Variants in TFPI2 observed in about 807,000 individuals in gnomAD.
TFPI2 encodes the protein placental protein 5.
A neutral mutation model predicts 23.1 loss-of-function variants in TFPI2; 23 were observed. The ratio of observed to expected loss-of-function variants is 1.00; its 90% CI spans 0.72 to 1.41. The LOEUF (loss-of-function observed/expected upper bound fraction) is 1.41. Among genes scored for constraint, TFPI2 ranks in the 40% most tolerant of loss-of-function variants. TFPI2 has a pLI of 0.00. For synonymous variants in TFPI2, 119 were observed against 111.7 expected (o/e 1.07, Z -0.41); for missense variants, 291 against 299.6 (o/e 0.97, Z 0.21).
At chr7:93,888,587 A>AGG (rs1554337258) in intron 3 of TFPI2, among the ~76,000 whole-genome samples, 8 of 92,274 alleles carry the variant, frequency 8.7e-5, no homozygotes, top group South Asian at 3.6e-4. Flanking sequence ...GAAGGAAGGA[A>AGG]AGAGAAAGAA....
rs755861071 is a variant in TFPI2, at chr7:93,889,075, T to A, written c.420A>T (p.Pro140=). Residue 140 remains proline (P), a synonymous_variant, in exon 3 of 5, where the codon CCA becomes CCT. Coordinates refer to ENST00000222543, the MANE Select transcript of TFPI2 (RefSeq NM_006528.4). ...CHRNRIENRF[P]DEATCMGFCA... is the part of the protein sequence containing the mutation. ...AGAAGCCCATACAAGTAGCTTCATCTGGAAACCTGTTCTCAATCCGGTTCC... is the reference window on the plus strand; with the variant it reads ...AGAAGCCCATACAAGTAGCTTCATCAGGAAACCTGTTCTCAATCCGGTTCC... 1 of 1,611,368 alleles carries A rather than the reference T, an allele frequency of 6.2e-7. No homozygotes were observed. Among genetic ancestry groups the A allele is most frequent in the South Asian group, 1.1e-5 (1 of 90,284 alleles).
At chr7:93,890,009 T>C (rs188789455) in intron 2 of TFPI2, 128 bp downstream of exon 2, 33 of 951,324 alleles carry the variant, frequency 3.5e-5, no homozygotes, top group Admixed American at 1.6e-4. Flanking sequence ...ACCATGAGGT[T>C]TGCTTAACAC....
Position 93,889,091 on chromosome 7 carries a change from A to G in TFPI2, c.404T>C (p.Ile135Thr), listed in dbSNP as rs374928628. 7.6e-5 allele frequency: 122 copies of G among 1,611,990 alleles called. 1 individual carries two copies. The South Asian group carries it at 1.3e-3, about 17-fold the overall frequency. Residue 135 changes from isoleucine to threonine, a missense_variant, in exon 3 of 5, where the codon ATT (isoleucine) becomes ACT (threonine). Ile to Thr is a moderately conservative substitution (Grantham distance 89, BLOSUM62 -1). Coordinates refer to ENST00000222543, the MANE Select transcript of TFPI2 (RefSeq NM_006528.4). The stretch of plus-strand genomic sequence containing the variant: ...AGCTTCATCTGGAAACCTGTTCTCA[A>G]TCCGGTTCCGGTGACACCCACCGGA... ...FFSGGCHRNR[I>T]ENRFPDEATC...
At position 93,889,047 on chromosome 7, in the gene TFPI2, C is replaced by A; in HGVS notation, c.448G>T (p.Ala150Ser). The A allele has an allele frequency of 6.3e-7, 1 of 1,599,494 alleles. No homozygotes were observed. Among genetic ancestry groups the A allele is most frequent in the South Asian group, 1.1e-5 (1 of 87,362 alleles). ...AAATCGTATTTACTTTTCTTTGGTG[C>A]GCAGAAGCCCATACAAGTAGCTTCA... is the stretch of plus-strand genomic sequence containing the variant. ...PDEATCMGFCAPKKIPSFCYS... is the reference protein window; with the variant it reads ...PDEATCMGFCSPKKIPSFCYS... Residue 150 changes from alanine (A) to serine (S), a missense_variant, in exon 3 of 5, where the codon GCA (alanine) becomes TCA (serine). Transcript: ENST00000222543.
At position 93,889,702 on chromosome 7, in the gene TFPI2, T is replaced by C. The variant is rs186660141; in HGVS notation, c.271+435A>G. The stretch of plus-strand genomic sequence containing the variant: ...ACAAAAGTAGAGTTATATAATGAGC[T>C]AAGTCACACTTCAATAATAAAATCC... On this transcript the variant is annotated intron_variant, in intron 2 of 4. Transcript: ENST00000222543. Among the ~76,000 whole-genome samples, 22 of 152,364 alleles carry C rather than the reference T, an allele frequency of 1.4e-4. No individual in the cohort carries two copies. The East Asian group carries it at 3.7e-3, about 25-fold the overall frequency.
intron 3 of TFPI2, among the ~76,000 whole-genome samples, chr7:93,888,268 G>A (rs1346600906): frequency 1.3e-5 from 2 of 152,154 alleles, no homozygotes; most frequent in African/African-American, 4.8e-5. Context: ...TATCTCACAT[G>A]TATAACTTAT....
At chr7:93,890,550 T>G (rs575551036) in intron 1 of TFPI2, 41 bp downstream of exon 1, 1 of 1,600,074 alleles carries the variant, frequency 6.2e-7, no homozygotes, top group East Asian at 2.2e-5. Flanking sequence ...CTGCGCCCTC[T>G]CCGCCGGTTG....
chr7:93,888,959 G>A (rs1479635319), intron 3 of TFPI2, 76 bp downstream of exon 3: 2 of 1,308,668 alleles, frequency 1.5e-6, no homozygotes, highest in Non-Finnish European at 1.1e-6. Flanking sequence ...TGTTAATTTC[G>A]CATCAAATTG....
intron 3 of TFPI2, among the ~76,000 whole-genome samples, chr7:93,888,544 A>AGAAGGAAGGAAG (rs56960901): frequency 0.059 from 6,241 of 105,202 alleles, 310 homozygotes; most frequent in Middle Eastern, 0.087. Flanking sequence ...AAGGAAGGAA[A>AGAAGGAAGGAAG]GAAGGAAGGA....
rs1793995582 is a variant in TFPI2 at position 93,886,554 on chromosome 7, G to C, written c.*266C>G. On this transcript the variant is annotated 3_prime_UTR_variant, in exon 5 of 5. Coordinates refer to ENST00000222543, the MANE Select transcript of TFPI2 (RefSeq NM_006528.4). ...GAATACGACCCCAAGAAATGAGTGA[G>C]TCATATTTGCTTTTATATCTTATGC... The C allele has an allele frequency of 3.3e-6, 1 of 302,282 alleles. No homozygotes were observed. Among genetic ancestry groups the C allele is most frequent in the African/African-American group, 2.2e-5 (1 of 45,474 alleles). The allele number at this position is 302,282 out of a possible 1,614,324, so 18.7% of individuals were successfully genotyped here.
In TFPI2 at chr7:93,886,534, C is replaced by T. The variant is rs867985179; in HGVS notation, c.*286G>A. 9 of 252,082 alleles carry T rather than the reference C, an allele frequency of 3.6e-5. No individual in the cohort carries two copies. Among genetic ancestry groups the T allele is most frequent in the Non-Finnish European group, 5.2e-5 (7 of 134,486 alleles). The allele number at this position is 252,082 out of a possible 1,614,324, so 15.6% of individuals were successfully genotyped here. A position where few individuals can be genotyped will look rare whatever the true frequency, so the allele number is the denominator to read the frequency against. On this transcript the variant is annotated 3_prime_UTR_variant, in exon 5 of 5. Transcript: ENST00000222543. ...TGATCCTCTTCTGAAATCAGGAATA[C>T]GACCCCAAGAAATGAGTGAGTCATA...
At position 93,889,484 on chromosome 7, in the gene TFPI2, T is replaced by C. The variant is rs1794082945; in HGVS notation, c.272-261A>G. On this transcript the variant is annotated intron_variant, in intron 2 of 4. Coordinates refer to ENST00000222543, the MANE Select transcript of TFPI2 (RefSeq NM_006528.4). ...TCTCTGGGTGTTCTCTGATTGTACA[T>C]ATGCAGTGAATCAAAGCTTATTCAC... 3.3e-5 allele frequency among the ~76,000 whole-genome samples: 5 copies of C among 152,184 alleles called. No homozygotes were observed. In the South Asian group the frequency reaches 8.3e-4, roughly 25 times the overall value.
chr7:93,887,288 C>G lies in TFPI2; in HGVS notation c.604G>C (p.Glu202Gln), dbSNP rs374287137. 2 of 1,612,266 alleles carry G rather than the reference C, an allele frequency of 1.2e-6. No individual in the cohort carries two copies. The highest frequency in any genetic ancestry group is 8.5e-7 in the Non-Finnish European group (1 of 1,179,212). ...TTTGCACATGCACGTTTGCAATCCT[C>G]CCTGCTAACAAAGTTATTGTCATTC... is the stretch of plus-strand genomic sequence containing the variant. ...GGNDNNFVSR[E>Q]DCKRACAKAL... is the part of the protein sequence containing the mutation. The change falls in exon 4 of 5, where the codon GAG becomes CAG. Residue 202 changes from glutamate to glutamine, a missense_variant. Glu to Gln is a conservative substitution (Grantham distance 29). Coordinates refer to ENST00000222543, the MANE Select transcript of TFPI2 (RefSeq NM_006528.4).
Position 93,890,742 on chromosome 7 carries a change from G to T in TFPI2, c.-64C>A. 2.0e-6 allele frequency: 3 copies of T among 1,496,148 alleles called. No individual in the cohort carries two copies. The South Asian group carries it at 3.6e-5, about 18-fold the overall frequency. 92.7% of individuals were successfully genotyped at this position (1,496,148 alleles called of 1,614,324 possible). On this transcript the variant is annotated 5_prime_UTR_variant, in exon 1 of 5. Coordinates refer to ENST00000222543, the MANE Select transcript of TFPI2 (RefSeq NM_006528.4). Reference sequence around the variant, plus strand: ...GAGAAAGCGCCTGGCGGGAGGAGGTGCGCGGCTTTCTGCTCCAGGCGGCCC... The same window carrying T: ...GAGAAAGCGCCTGGCGGGAGGAGGTTCGCGGCTTTCTGCTCCAGGCGGCCC...
In TFPI2 at chr7:93,886,891, T is replaced by A; in HGVS notation, c.637A>T (p.Lys213Ter). ...AGCTTTGGCATCTTCTTTTTCTTTTTCAAAGCTAAAATCAATAAAACGACA... is the reference window on the plus strand; with the variant it reads ...AGCTTTGGCATCTTCTTTTTCTTTTACAAAGCTAAAATCAATAAAACGACA... ...DCKRACAKAL[K>*]KKKKMPKLRF... is the part of the protein sequence containing the mutation. The change falls in exon 5 of 5, where the codon AAA becomes TAA. Residue 213 changes from lysine to a stop codon, truncating the protein, a stop_gained. Transcript: ENST00000222543. LOFTEE classifies it low-confidence loss of function (END_TRUNC). The A allele has an allele frequency of 6.5e-7, 1 of 1,546,390 alleles. No individual in the cohort carries two copies. Among genetic ancestry groups the A allele is most frequent in the Non-Finnish European group, 8.6e-7 (1 of 1,161,544 alleles).
chr7:93,888,544 A>AAAGAAG (rs1794045155), intron 3 of TFPI2, among the ~76,000 whole-genome samples: 2 of 105,382 alleles, frequency 1.9e-5, no homozygotes, highest in Non-Finnish European at 3.6e-5. Context: ...AAGGAAGGAA[A>AAAGAAG]GAAGGAAGGA....
At position 93,886,627 on chromosome 7, in the gene TFPI2, G is replaced by A. The variant is rs1220426315; in HGVS notation, c.*193C>T. 3 of 457,636 alleles carry A rather than the reference G, an allele frequency of 6.6e-6. No individual in the cohort carries two copies. The highest frequency in any genetic ancestry group is 1.1e-5 in the Non-Finnish European group (3 of 263,864). The allele number at this position is 457,636 out of a possible 1,614,324, so 28.3% of individuals were successfully genotyped here. A position where few individuals can be genotyped will look rare whatever the true frequency, so the allele number is the denominator to read the frequency against. On this transcript the variant is annotated 3_prime_UTR_variant, in exon 5 of 5. Coordinates refer to ENST00000222543, the MANE Select transcript of TFPI2 (RefSeq NM_006528.4). ...AACAGTTGAACCATAAATTAAAAAT[G>A]GTAGACTCACATTTGAATAGCAGCT...
In TFPI2 at chr7:93,889,060, A is replaced by T. The variant is rs1794071585; in HGVS notation, c.435T>A (p.Cys145Ter). The T allele has an allele frequency of 6.2e-7, 1 of 1,609,860 alleles. No individual in the cohort carries two copies. The highest frequency in any genetic ancestry group is 2.2e-5 in the East Asian group (1 of 44,660). ...TTTTCTTTGGTGCGCAGAAGCCCAT[A>T]CAAGTAGCTTCATCTGGAAACCTGT... ...IENRFPDEAT[C>*]MGFCAPKKIP... Residue 145 changes from cysteine to a stop codon, truncating the protein, a stop_gained, in exon 3 of 5, where the codon TGT becomes TGA. Transcript: ENST00000222543. LOFTEE classifies it high-confidence loss of function.
chr7:93,886,036 CCTTA>C lies in TFPI2; in HGVS notation c.*780_*783del, dbSNP rs1273321159. On this transcript the variant is annotated 3_prime_UTR_variant, in exon 5 of 5. Transcript: ENST00000222543. The stretch of plus-strand genomic sequence containing the variant: ...CATGCATGGTTTATATAAATAAACA[CCTTA>C]AACAGTATAAACATTTGAAAAACTT... The C allele has an allele frequency of 6.6e-6, 1 of 151,764 alleles. No homozygotes were observed. The highest frequency in any genetic ancestry group is 2.4e-5 in the African/African-American group (1 of 41,332). The allele number at this position is 151,764 out of a possible 1,614,324, so 9.4% of individuals were successfully genotyped here. A position where few individuals can be genotyped will look rare whatever the true frequency, so the allele number is the denominator to read the frequency against.
Sources: gnomAD v4.1 joint callset for allele counts (sites outside exome capture counted in the v4.1 genomes callset) on GRCh38, gnomAD v4.1.1 for gene constraint, MANE v1.5 for transcripts, NCBI Gene and HGNC (gene_info 2026-07-23, HGNC 2026-07-21) for gene names.